Variants in CAMKMT observed in about 807,000 individuals in gnomAD.
CAMKMT encodes the protein CaM KMT.
A neutral mutation model predicts 48.0 loss-of-function variants in CAMKMT; 53 were observed. The ratio of observed to expected loss-of-function variants is 1.10; its 90% confidence interval spans 0.89 to 1.39. The LOEUF (loss-of-function observed/expected upper bound fraction) is 1.39, where lower values mean the gene tolerates loss of function less well. Ranked by LOEUF, CAMKMT falls within the 40% of genes most tolerant of loss-of-function variation. The pLI, the probability that CAMKMT is intolerant of heterozygous loss-of-function variation, is 0.00. For missense variants in CAMKMT, 428 were observed against 402.7 expected, an observed-to-expected ratio of 1.06 and a Z score of -0.54; for synonymous variants, 165 against 152.3, an observed-to-expected ratio of 1.08 and a Z score of -0.61.
intron 3 of CAMKMT, among the ~76,000 whole-genome samples, chr2:44,663,454 C>G (rs1674789011): frequency 6.6e-6 from 1 of 152,344 alleles, no homozygotes; most frequent in African/African-American, 2.4e-5. Context: ...TGAGCTTCCC[C>G]TTCTGTGAAA....
chr2:44,445,534 A>G (rs547595316), intron 3 of CAMKMT, among the ~76,000 whole-genome samples: 25 of 151,994 alleles, frequency 1.6e-4, no homozygotes, highest in African/African-American at 5.5e-4. Context: ...ATACTACGGG[A>G]CATTCCCCTA....
At chr2:44,555,322 G>A (rs533268172) in intron 3 of CAMKMT, among the ~76,000 whole-genome samples, 23 of 152,318 alleles carry the variant, frequency 1.5e-4, no homozygotes, top group Non-Finnish European at 2.8e-4. Context: ...GAATTGATTA[G>A]AAAGCTGTTG....
intron 3 of CAMKMT, among the ~76,000 whole-genome samples, chr2:44,471,087 C>T (rs1416179183): frequency 1.3e-5 from 2 of 150,138 alleles, no homozygotes; most frequent in African/African-American, 2.5e-5. Context: ...CTCCGCCTTC[C>T]GATTTCAAGC....
intron 3 of CAMKMT, among the ~76,000 whole-genome samples, chr2:44,528,600 C>T (rs952080371): frequency 1.3e-5 from 2 of 152,128 alleles, no homozygotes; most frequent in African/African-American, 4.8e-5. Flanking sequence ...TAAATTCCCC[C>T]AATAATTCAT....
Position 44,766,455 on chromosome 2 carries a change from G to T in CAMKMT, c.788G>T (p.Arg263Leu). Reference protein sequence around the residue: ...PRGKAMVFAPRRGNTLNQFCN... With the variant: ...PRGKAMVFAPLRGNTLNQFCN... ...GGGAAAGCGATGGTATTTGCCCCAC[G>T]CCGAGGGAATACTTTAAACCAGTTT... is the stretch of plus-strand genomic sequence containing the variant. Residue 263 changes from arginine to leucine, a missense_variant, in exon 10 of 11, where the codon CGC becomes CTC. Transcript: ENST00000378494. 1 of 1,614,120 alleles carries T rather than the reference G, an allele frequency of 6.2e-7. No individual in the cohort carries two copies. The highest frequency in any genetic ancestry group is 1.1e-5 in the South Asian group (1 of 91,084).
At chr2:44,706,616 T>G (rs1157706698) in intron 5 of CAMKMT, among the ~76,000 whole-genome samples, 1 of 151,244 alleles carries the variant, frequency 6.6e-6, no homozygotes, top group African/African-American at 2.4e-5. Context: ...CGAAAGCATT[T>G]TTTTTTTTTT....
At chr2:44,673,471 G>GGAAGGAAGGAAGGAAGGAAGGAAGGA (rs1553435760) in intron 3 of CAMKMT, among the ~76,000 whole-genome samples, 1 of 116,844 alleles carries the variant, frequency 8.6e-6, no homozygotes, top group East Asian at 2.5e-4. Flanking sequence ...GAAAGAGAGA[G>GGAAGGAAGGAAGGAAGGAAGGAAGGA]AGGAAGGAAG....
chr2:44,772,185 G>GTA lies in CAMKMT; in HGVS notation c.*73_*74dup. 7.6e-7 allele frequency: 1 copy of GTA among 1,323,918 alleles called. No homozygotes were observed. The highest frequency in any genetic ancestry group is 1.8e-4 in the Middle Eastern group (1 of 5,464). The allele number at this position is 1,323,918 out of a possible 1,614,324, so 82.0% of individuals were successfully genotyped here. A position where few individuals can be genotyped will look rare whatever the true frequency, so the allele number is the denominator to read the frequency against. On this transcript the variant is annotated 3_prime_UTR_variant, in exon 11 of 11. Coordinates refer to ENST00000378494, the MANE Select transcript of CAMKMT (RefSeq NM_024766.5). Reference sequence around the variant, plus strand: ...AATATTTTTACAAAAACGGAAATCTGTAAGGGGTATAATCGCCTGCCTGCG... The same window carrying GTA: ...AATATTTTTACAAAAACGGAAATCTGTATAAGGGGTATAATCGCCTGCCTGCG...
At chr2:44,494,985 G>A (rs1332770533) in intron 3 of CAMKMT, among the ~76,000 whole-genome samples, 2 of 152,122 alleles carry the variant, frequency 1.3e-5, no homozygotes, top group African/African-American at 4.8e-5. Flanking sequence ...TAGTTGCTCA[G>A]GAAGTATCTG....
chr2:44,747,872 G>GTGTGTC (rs934870329), intron 8 of CAMKMT, among the ~76,000 whole-genome samples: 10 of 152,096 alleles, frequency 6.6e-5, no homozygotes, highest in African/African-American at 2.4e-4. Flanking sequence ...ATAGAGGTCT[G>GTGTGTC]TGTGTCTGTG....
chr2:44,402,160 C>G (rs1027310353), intron 3 of CAMKMT, among the ~76,000 whole-genome samples: 1 of 151,980 alleles, frequency 6.6e-6, no homozygotes, highest in African/African-American at 2.4e-5. Context: ...AACCCCGTCT[C>G]TACTAAAGAT....
At chr2:44,670,166 C>T (rs1225581900) in intron 3 of CAMKMT, among the ~76,000 whole-genome samples, 1 of 152,128 alleles carries the variant, frequency 6.6e-6, no homozygotes, top group Non-Finnish European at 1.5e-5. Flanking sequence ...TTTAGCTTGT[C>T]TGTTTACTGT....
chr2:44,649,379 A>T (rs777018443), intron 3 of CAMKMT, among the ~76,000 whole-genome samples: 7 of 152,132 alleles, frequency 4.6e-5, no homozygotes, highest in Non-Finnish European at 7.4e-5. Context: ...GGCTCTAGTC[A>T]GAAAGAGAAG....
At chr2:44,458,461 T>C (rs1667688607) in intron 3 of CAMKMT, among the ~76,000 whole-genome samples, 1 of 152,190 alleles carries the variant, frequency 6.6e-6, no homozygotes, top group African/African-American at 2.4e-5. Context: ...TGTAAGTGAA[T>C]ACTGTCTGGA....
chr2:44,529,827 T>A (rs1188912420), intron 3 of CAMKMT, among the ~76,000 whole-genome samples: 2 of 152,204 alleles, frequency 1.3e-5, no homozygotes, highest in African/African-American at 4.8e-5. Flanking sequence ...TACATGTATA[T>A]GGAGAAAATT....
At chr2:44,537,581 C>G (rs1051111496) in intron 3 of CAMKMT, among the ~76,000 whole-genome samples, 2 of 151,128 alleles carry the variant, frequency 1.3e-5, no homozygotes, top group South Asian at 2.1e-4. Context: ...TTCTTTCTTT[C>G]TGAGACAGGA....
chr2:44,591,136 G>T (rs62132283), intron 3 of CAMKMT, among the ~76,000 whole-genome samples: 29 of 147,388 alleles, frequency 2.0e-4, no homozygotes, highest in South Asian at 2.2e-4. Flanking sequence ...TACCAGTACC[G>T]TGCTGTTTTG....
chr2:44,401,247 C>G (rs1004118586), intron 3 of CAMKMT: 3 of 152,040 alleles, frequency 2.0e-5, no homozygotes, highest in African/African-American at 7.2e-5. Flanking sequence ...GACTTCTCAC[C>G]AGCAAACATG....
rs191106440 is a variant in CAMKMT at position 44,671,784 on chromosome 2, G to A, written c.377-32499G>A. Among the ~76,000 whole-genome samples, 113 of 152,034 alleles carry A rather than the reference G, an allele frequency of 7.4e-4. 3 individuals are homozygous for A. The East Asian group carries it at 0.02, about 27-fold the overall frequency. On this transcript the variant is annotated intron_variant, in intron 3 of 10. Transcript: ENST00000378494. The stretch of plus-strand genomic sequence containing the variant: ...TCTTTTTTATCATATATTTCTCTTT[G>A]TTTCTGGCTAAAAGAGGGCATTGTA...
Sources: allele counts gnomAD v4.1 joint callset (sites outside exome capture counted in the v4.1 genomes callset), GRCh38; gene constraint gnomAD v4.1.1; transcripts MANE v1.5; gene names NCBI Gene and HGNC (gene_info 2026-07-23, HGNC 2026-07-21).